The following SCGB2B2 variants were observed in gnomAD, a reference collection of about 807,000 sequenced individuals.
SCGB2B2 encodes the protein secretoglobin-like protein.
Under a neutral mutation model 7.6 loss-of-function variants are expected in SCGB2B2, and 11 were observed. The ratio of observed to expected loss-of-function variants is 1.45; its 90% CI spans 0.91 to 2.40. The LOEUF is 2.40. SCGB2B2 is among the 30% of genes most tolerant of loss of function. SCGB2B2 has a pLI of 0.00. For missense variants in SCGB2B2, 104 were observed against 115.4 expected (o/e 0.90, Z 0.45); for synonymous variants, 50 against 48.6 (o/e 1.03, Z -0.12).
chr19:34,636,283 G>A (rs903315359), intron 1 of SCGB2B2, among the ~76,000 whole-genome samples: 6 of 152,142 alleles, frequency 3.9e-5, no homozygotes, highest in Non-Finnish European at 7.3e-5. Context: ...AGGACTCTTG[G>A]GGGGCTACGG....
chr19:34,667,192 C>T (rs1370716668), intron 1 of SCGB2B2, among the ~76,000 whole-genome samples: 2 of 152,154 alleles, frequency 1.3e-5, no homozygotes, highest in Admixed American at 6.5e-5. Context: ...TCCCTGCAGA[C>T]GGGCAGCTGC....
chr19:34,635,569 G>A, intron 1 of SCGB2B2: 1 of 234,250 alleles, frequency 4.3e-6, no homozygotes. Context: ...CTAGAGTTAT[G>A]ACTGAAGAAT....
At chr19:34,631,638 G>C (rs2066538483) in intron 1 of SCGB2B2, among the ~76,000 whole-genome samples, 1 of 152,042 alleles carries the variant, frequency 6.6e-6, no homozygotes, top group Non-Finnish European at 1.5e-5. Flanking sequence ...GGAGAGATAT[G>C]CCACGTTTAT....
intron 1 of SCGB2B2, among the ~76,000 whole-genome samples, chr19:34,633,199 T>C (rs2066583197): frequency 6.6e-6 from 1 of 152,220 alleles, no homozygotes; most frequent in East Asian, 1.9e-4. Flanking sequence ...GGTGAATTAT[T>C]TCAATGGCAC....
chr19:34,601,829 G>A (rs1262188317), intron 1 of SCGB2B2, among the ~76,000 whole-genome samples: 1 of 152,142 alleles, frequency 6.6e-6, no homozygotes, highest in Admixed American at 6.5e-5. Flanking sequence ...CTAACACAGT[G>A]TTGGGTAACA....
chr19:34,607,708 A>G (rs1464167631), intron 1 of SCGB2B2, among the ~76,000 whole-genome samples: 1 of 152,252 alleles, frequency 6.6e-6, no homozygotes, highest in African/African-American at 2.4e-5. Flanking sequence ...GTGATGGTGA[A>G]CATCTTTTCA....
At chr19:34,618,363 C>T (rs1395758877) in intron 1 of SCGB2B2, among the ~76,000 whole-genome samples, 3 of 152,214 alleles carry the variant, frequency 2.0e-5, no homozygotes, top group Admixed American at 1.3e-4. Flanking sequence ...CAGATTAATT[C>T]TATAAGAAAA....
chr19:34,587,514 C>T (rs1411521878), downstream of SCGB2B2, among the ~76,000 whole-genome samples: 5 of 152,230 alleles, frequency 3.3e-5, no homozygotes, highest in East Asian at 9.7e-4. Context: ...TCTGGATGCC[C>T]TTTGTTTCTT....
chr19:34,670,856 T>C (rs1359816833), intron 1 of SCGB2B2, among the ~76,000 whole-genome samples: 1 of 152,234 alleles, frequency 6.6e-6, no homozygotes, highest in Non-Finnish European at 1.5e-5. Flanking sequence ...TATATTCAGG[T>C]TTATAATCCA....
At chr19:34,661,548 G>C (rs2067457687) in intron 1 of SCGB2B2, among the ~76,000 whole-genome samples, 2 of 152,230 alleles carry the variant, frequency 1.3e-5, no homozygotes, top group African/African-American at 2.4e-5. Flanking sequence ...CAAGAACTAA[G>C]TAAAGCTTTA....
chr19:34,620,085 A>G (rs566729035), intron 1 of SCGB2B2, among the ~76,000 whole-genome samples: 1 of 152,318 alleles, frequency 6.6e-6, no homozygotes, highest in African/African-American at 2.4e-5. Flanking sequence ...TAAATTGCCT[A>G]TCAGATACTA....
intron 1 of SCGB2B2, among the ~76,000 whole-genome samples, chr19:34,654,599 T>C (rs919420765): frequency 6.6e-6 from 1 of 151,142 alleles, no homozygotes; most frequent in Non-Finnish European, 1.5e-5. Context: ...GAACCTGAGA[T>C]TGGCCTTTTG....
chr19:34,599,348 CTT>C (rs1166668427), intron 1 of SCGB2B2, among the ~76,000 whole-genome samples: 5 of 152,228 alleles, frequency 3.3e-5, no homozygotes, highest in Non-Finnish European at 5.9e-5. Context: ...GTATTAGTCT[CTT>C]TTCATGCTGC....
chr19:34,665,570 G>A (rs1288657990), intron 1 of SCGB2B2, among the ~76,000 whole-genome samples: 1 of 152,074 alleles, frequency 6.6e-6, no homozygotes, highest in Non-Finnish European at 1.5e-5. Context: ...TGGCACTTGT[G>A]GGGCAGTCCT....
At chr19:34,654,729 T>G (rs2067240040) in intron 1 of SCGB2B2, among the ~76,000 whole-genome samples, 2 of 150,748 alleles carry the variant, frequency 1.3e-5, no homozygotes, top group Non-Finnish European at 2.9e-5. Flanking sequence ...CAACTCTCTA[T>G]GAATTCATCT....
intron 1 of SCGB2B2, among the ~76,000 whole-genome samples, chr19:34,622,933 T>C (rs933656193): frequency 7.4e-6 from 1 of 134,924 alleles, no homozygotes; most frequent in South Asian, 2.4e-4. Flanking sequence ...TTTTTTTTTT[T>C]ATTATCTATT....
intron 1 of SCGB2B2, among the ~76,000 whole-genome samples, chr19:34,659,983 G>A (rs1206689056): frequency 3.9e-4 from 59 of 152,044 alleles, no homozygotes; most frequent in Non-Finnish European, 1.5e-5. Flanking sequence ...AACACCACAT[G>A]TCTACAACCA....
chr19:34,651,423 C>T (rs8101675), intron 1 of SCGB2B2, among the ~76,000 whole-genome samples: 19,974 of 150,854 alleles, frequency 0.13, 1,714 homozygotes, highest in East Asian at 0.28. Context: ...AACTGATCAA[C>T]GAATTCATTA....
Position 34,649,204 on chromosome 19 carries a change from C to G in SCGB2B2, c.-2032+26426G>C, listed in dbSNP as rs538882524. Reference sequence around the variant, plus strand: ...TACAGACGTGAGCCACTGTGCCCAGCCTGGATCTTTCACAACTAGGACTGA... The same window carrying G: ...TACAGACGTGAGCCACTGTGCCCAGGCTGGATCTTTCACAACTAGGACTGA... On this transcript the variant is annotated intron_variant, in intron 1 of 3. Transcript: ENST00000601241. Among the ~76,000 whole-genome samples the G allele has an allele frequency of 3.3e-5, 5 of 152,320 alleles. No individual in the cohort carries two copies. The South Asian group carries it at 1.0e-3, about 32-fold the overall frequency.
Sources: allele counts gnomAD v4.1 joint callset (sites outside exome capture counted in the v4.1 genomes callset), GRCh38; gene constraint gnomAD v4.1.1; transcripts MANE v1.5; gene names NCBI Gene and HGNC (gene_info 2026-07-23, HGNC 2026-07-21).